The following IL1RAPL2 variants were observed in gnomAD, a reference collection of about 807,000 sequenced individuals.
IL1RAPL2 encodes the protein interleukin 1 receptor accessory protein like 2, also known as X-linked interleukin-1 receptor accessory protein-like 2.
IL1RAPL2 carries 3 observed loss-of-function variants against 44.1 expected under a neutral mutation model. That is an observed-to-expected ratio of 0.07 (90% CI 0.03 to 0.18). The LOEUF is 0.18. Among genes scored for constraint, IL1RAPL2 ranks in the 10% least tolerant of loss-of-function variants. The probability of loss-of-function intolerance (pLI) is 1.00; values close to 1 mark genes in which losing one functional copy is unlikely to be tolerated. For synonymous variants in IL1RAPL2, 181 were observed against 178.8 expected (o/e 1.01, Z -0.10); for missense variants, 391 against 496.4 (o/e 0.79, Z 2.02).
rs141430414 is a variant in IL1RAPL2 at position 105,691,409 on chromosome X, C to T, written c.773-25958C>T. On this transcript the variant is annotated intron_variant, in intron 6 of 10. Transcript: ENST00000372582. The stretch of plus-strand genomic sequence containing the variant: ...CTAACAAATCGGATTTTCTATTGTC[C>T]CTCAGCCAACAAAGATCACTAAAAA... Among the ~76,000 whole-genome samples the T allele has an allele frequency of 5.0e-3, 551 of 111,282 alleles. 8 individuals carry two copies. Among genetic ancestry groups the T allele is most frequent in the African/African-American group, 0.017 (522 of 30,671 alleles).
intron 2 of IL1RAPL2, among the ~76,000 whole-genome samples, chrX:105,007,985 T>C (rs2030973230): frequency 8.7e-6 from 1 of 114,685 alleles, no homozygotes; most frequent in African/African-American, 3.1e-5. Flanking sequence ...TTACTTACTA[T>C]TGAGAAGAGA....
intron 3 of IL1RAPL2, among the ~76,000 whole-genome samples, chrX:105,201,956 C>A (rs1325107079): frequency 9.0e-6 from 1 of 111,704 alleles, no homozygotes; most frequent in Non-Finnish European, 1.9e-5. Flanking sequence ...ATTTTTCTAT[C>A]TGTTTTTGGT....
chrX:105,104,292 GA>G (rs944471096), intron 2 of IL1RAPL2, among the ~76,000 whole-genome samples: 8 of 111,570 alleles, frequency 7.2e-5, no homozygotes, highest in African/African-American at 2.3e-4. Context: ...GAAAGTTTCA[GA>G]AAAAAACACT....
At chrX:104,981,312 G>C (rs1365990065) in intron 2 of IL1RAPL2, among the ~76,000 whole-genome samples, 1 of 110,198 alleles carries the variant, frequency 9.1e-6, no homozygotes, top group Non-Finnish European at 1.9e-5. Context: ...AGGCCCTGGT[G>C]TCTATTGCCT....
intron 7 of IL1RAPL2, 121 bp from the exon 8 acceptor site, chrX:105,740,425 C>A: frequency 1.5e-6 from 1 of 650,393 alleles, no homozygotes; most frequent in Non-Finnish European, 2.3e-6. Flanking sequence ...TACACCCAGC[C>A]AGGATTCTCC....
chrX:105,145,508 G>T (rs1018006937), intron 2 of IL1RAPL2, among the ~76,000 whole-genome samples: 2 of 111,349 alleles, frequency 1.8e-5, no homozygotes, highest in Non-Finnish European at 3.8e-5. Context: ...CATTAGCAGG[G>T]GTCTAACTTT....
chrX:105,220,650 G>A (rs1033597616), intron 3 of IL1RAPL2: 9 of 295,634 alleles, frequency 3.0e-5, no homozygotes, highest in Admixed American at 2.2e-4. Context: ...TAACACGCCC[G>A]AAGAGAGAGG....
intron 2 of IL1RAPL2, among the ~76,000 whole-genome samples, chrX:104,961,273 T>G (rs887971467): frequency 8.1e-5 from 9 of 111,717 alleles, no homozygotes; most frequent in African/African-American, 3.3e-5. Flanking sequence ...GGTCAAACAT[T>G]GCTGCCTTGA....
chrX:105,650,714 AT>A (rs780503478), intron 6 of IL1RAPL2, among the ~76,000 whole-genome samples: 103 of 111,632 alleles, frequency 9.2e-4, no homozygotes, highest in African/African-American at 2.9e-3. Context: ...CATTAGCTCT[AT>A]TTGGGTTACT....
intron 2 of IL1RAPL2, among the ~76,000 whole-genome samples, chrX:104,682,901 T>A (rs749661260): frequency 2.1e-4 from 23 of 111,623 alleles, no homozygotes; most frequent in Admixed American, 7.6e-4. Flanking sequence ...TAAAAAGGGT[T>A]TTATTTTTTT....
At chrX:104,707,627 A>G (rs1001545514) in intron 2 of IL1RAPL2, among the ~76,000 whole-genome samples, 4 of 111,722 alleles carry the variant, frequency 3.6e-5, no homozygotes, top group Non-Finnish European at 5.7e-5. Context: ...GAAGGTGTTT[A>G]TAGCTATTAA....
intron 6 of IL1RAPL2, among the ~76,000 whole-genome samples, chrX:105,623,228 T>A (rs2037432317): frequency 9.1e-6 from 1 of 110,047 alleles, no homozygotes. Flanking sequence ...TTATTCAAGG[T>A]CACATAACTA....
At chrX:105,563,010 G>A (rs926891037) in intron 6 of IL1RAPL2, among the ~76,000 whole-genome samples, 1 of 111,732 alleles carries the variant, frequency 8.9e-6, no homozygotes, top group Non-Finnish European at 1.9e-5. Flanking sequence ...AGTAGTAATC[G>A]TTAAGAATAA....
At chrX:105,680,349 G>A (rs2037913760) in intron 6 of IL1RAPL2, among the ~76,000 whole-genome samples, 2 of 112,009 alleles carry the variant, frequency 1.8e-5, no homozygotes, top group Non-Finnish European at 3.8e-5. Context: ...TCCCTGGCTT[G>A]CCAGGAAGTG....
chrX:105,623,717 A>T (rs1287945733), intron 6 of IL1RAPL2, among the ~76,000 whole-genome samples: 2 of 111,436 alleles, frequency 1.8e-5, no homozygotes, highest in East Asian at 5.7e-4. Context: ...AGTTATAGTG[A>T]CCCATTCATT....
chrX:105,679,390 A>G (rs1034625681), intron 6 of IL1RAPL2, among the ~76,000 whole-genome samples: 1 of 112,194 alleles, frequency 8.9e-6, no homozygotes, highest in African/African-American at 3.2e-5. Context: ...ACTTTCATAC[A>G]GACACAAAAA....
At chrX:105,063,647 A>C (rs748880757) in intron 2 of IL1RAPL2, among the ~76,000 whole-genome samples, 37 of 111,720 alleles carry the variant, frequency 3.3e-4, no homozygotes, top group Non-Finnish European at 2.1e-4. Flanking sequence ...TTGATGAGTT[A>C]GGTATTTATT....
chrX:105,017,674 A>G (rs1303066736), intron 2 of IL1RAPL2, among the ~76,000 whole-genome samples: 3 of 111,387 alleles, frequency 2.7e-5, no homozygotes, highest in Non-Finnish European at 5.7e-5. Context: ...TGAGTATAAT[A>G]AAGAGTAACA....
At chrX:105,756,029 A>G (rs1476374533) in intron 10 of IL1RAPL2, among the ~76,000 whole-genome samples, 1 of 111,716 alleles carries the variant, frequency 9.0e-6, no homozygotes, top group Non-Finnish European at 1.9e-5. Flanking sequence ...TAAGGGGAAC[A>G]CAGAGAAATC....
Sources: gnomAD v4.1 joint callset for allele counts (sites outside exome capture counted in the v4.1 genomes callset) on GRCh38, gnomAD v4.1.1 for gene constraint, MANE v1.5 for transcripts, NCBI Gene and HGNC (gene_info 2026-07-23, HGNC 2026-07-21) for gene names.